The following EYA4 variants were observed in gnomAD, a reference collection of about 807,000 sequenced individuals.
The protein encoded by EYA4 is protein phosphatase EYA4.
Under a neutral mutation model 87.9 loss-of-function variants are expected in EYA4, and 31 were observed. The observed-to-expected ratio is 0.35, with a 90% CI of 0.27 to 0.48. The LOEUF (loss-of-function observed/expected upper bound fraction) is 0.48, where lower values mean the gene tolerates loss of function less well. Among genes scored for constraint, EYA4 ranks in the 20% least tolerant of loss-of-function variants. EYA4 has a pLI of 0.99. For synonymous variants in EYA4, 263 were observed against 270.6 expected, an observed-to-expected ratio of 0.97 and a Z score of 0.28; for missense variants, 678 against 761.4, an observed-to-expected ratio of 0.89 and a Z score of 1.29.
intron 3 of EYA4, among the ~76,000 whole-genome samples, chr6:133,431,364 G>A (rs1791168370): frequency 6.6e-6 from 1 of 152,170 alleles, no homozygotes; most frequent in African/African-American, 2.4e-5. Context: ...GTGGCTTGGG[G>A]AGATAAAGTT....
At position 133,294,473 on chromosome 6, in the gene EYA4, C is replaced by T. The variant is rs907154810; in HGVS notation, c.33+19660C>T. On this transcript the variant is annotated intron_variant, in intron 2 of 19. Coordinates refer to ENST00000355286, the MANE Select transcript of EYA4 (RefSeq NM_004100.5). ...AACTCCTGGGTTCAGGTGGTCGTCC[C>T]GCCTCAGCCTCCTTAGTAGCTGGTG... Among the ~76,000 whole-genome samples the T allele has an allele frequency of 3.4e-5, 5 of 145,042 alleles. No homozygotes were observed. The East Asian group carries it at 6.1e-4, about 18-fold the overall frequency.
At chr6:133,304,389 G>C (rs1402742473) in intron 2 of EYA4, among the ~76,000 whole-genome samples, 2 of 152,150 alleles carry the variant, frequency 1.3e-5, no homozygotes, top group African/African-American at 2.4e-5. Flanking sequence ...AGTCTTTTCT[G>C]TCTCTTGCAT....
At position 133,358,823 on chromosome 6, in the gene EYA4, T is replaced by G. The variant is rs565740598; in HGVS notation, c.34-23569T>G. Among the ~76,000 whole-genome samples, 147 of 152,252 alleles carry G rather than the reference T, an allele frequency of 9.7e-4. 1 individual carries two copies. Among genetic ancestry groups the G allele is most frequent in the Middle Eastern group, 6.8e-3 (2 of 294 alleles). On this transcript the variant is annotated intron_variant, in intron 2 of 19. Coordinates refer to ENST00000355286, the MANE Select transcript of EYA4 (RefSeq NM_004100.5). ...ACACACATAAATGATACACACATTG[T>G]GATAACTGCTAAGAAGAAAAACAAG...
chr6:133,370,906 G>T (rs1785218126), intron 2 of EYA4, among the ~76,000 whole-genome samples: 1 of 152,112 alleles, frequency 6.6e-6, no homozygotes, highest in South Asian at 2.1e-4. Flanking sequence ...ACTTTTTAAA[G>T]AATCCTGTAG....
At chr6:133,289,069 T>G (rs2128294030) in intron 2 of EYA4, among the ~76,000 whole-genome samples, 1 of 152,288 alleles carries the variant, frequency 6.6e-6, no homozygotes, top group East Asian at 1.9e-4. Context: ...AGCACCTTCT[T>G]CCAAGAGGAG....
At chr6:133,442,909 A>G (rs1186995125) in intron 3 of EYA4, among the ~76,000 whole-genome samples, 1 of 152,084 alleles carries the variant, frequency 6.6e-6, no homozygotes, top group African/African-American at 2.4e-5. Context: ...TGGAAATAAT[A>G]TTATGTTAAT....
At chr6:133,366,091 T>C (rs1424071735) in intron 2 of EYA4, among the ~76,000 whole-genome samples, 12 of 152,090 alleles carry the variant, frequency 7.9e-5, no homozygotes, top group Non-Finnish European at 5.9e-5. Flanking sequence ...ATGACATTGG[T>C]TTTAACTAGA....
chr6:133,477,710 C>A (rs1489520358), intron 11 of EYA4, among the ~76,000 whole-genome samples: 2 of 151,908 alleles, frequency 1.3e-5, no homozygotes, highest in Non-Finnish European at 2.9e-5. Flanking sequence ...ATCATACAAG[C>A]TATTTAATTT....
At chr6:133,339,525 C>G (rs1782628923) in intron 2 of EYA4, among the ~76,000 whole-genome samples, 2 of 152,032 alleles carry the variant, frequency 1.3e-5, no homozygotes, top group African/African-American at 4.8e-5. Flanking sequence ...GAGGTTGTCC[C>G]TGGAGAGGAG....
intron 2 of EYA4, among the ~76,000 whole-genome samples, chr6:133,340,364 A>T (rs983738250): frequency 1.3e-5 from 2 of 152,220 alleles, no homozygotes; most frequent in African/African-American, 4.8e-5. Flanking sequence ...CTCTTTTCAC[A>T]TCTACATAAA....
At position 133,446,591 on chromosome 6, in the gene EYA4, G is replaced by T. The variant is rs557804694; in HGVS notation, c.84-39G>T. 2.6e-5 allele frequency: 42 copies of T among 1,612,576 alleles called. No individual in the cohort carries two copies. In the South Asian group the frequency reaches 4.3e-4, roughly 16 times the overall value. On this transcript the variant is annotated intron_variant, in intron 3 of 19. Transcript: ENST00000355286. ...TGTAATCTATTAAAAAATAACTGCT[G>T]CAATTTCAACTTTTCTCTGCTGCTT...
chr6:133,358,490 C>T, intron 2 of EYA4, among the ~76,000 whole-genome samples: 1 of 152,140 alleles, frequency 6.6e-6, no homozygotes, highest in South Asian at 2.1e-4. Context: ...GAAAAGGAAT[C>T]ATCGAATGTA....
chr6:133,478,091 C>A (rs1795898454), intron 11 of EYA4, among the ~76,000 whole-genome samples: 1 of 151,998 alleles, frequency 6.6e-6, no homozygotes, highest in African/African-American at 2.4e-5. Flanking sequence ...TAAAAAAACG[C>A]TAACAATATC....
intron 6 of EYA4, among the ~76,000 whole-genome samples, chr6:133,459,335 A>G (rs532105248): frequency 1.3e-5 from 2 of 152,226 alleles, no homozygotes; most frequent in East Asian, 3.9e-4. Flanking sequence ...GAAACATCCT[A>G]TATATTCAGA....
chr6:133,345,293 G>A (rs931020165), intron 2 of EYA4, among the ~76,000 whole-genome samples: 6 of 152,120 alleles, frequency 3.9e-5, no homozygotes, highest in Non-Finnish European at 7.4e-5. Flanking sequence ...CAGATATGAT[G>A]AGATATTGAG....
chr6:133,495,922 A>G (rs1472319637), intron 13 of EYA4, among the ~76,000 whole-genome samples: 1 of 152,194 alleles, frequency 6.6e-6, no homozygotes, highest in Non-Finnish European at 1.5e-5. Context: ...GAGCAAACTA[A>G]TGAACATGTT....
intron 3 of EYA4, among the ~76,000 whole-genome samples, chr6:133,383,592 T>C (rs1786445592): frequency 1.3e-5 from 2 of 151,504 alleles, no homozygotes; most frequent in South Asian, 2.1e-4. Context: ...GTGTATCTTA[T>C]GTATAGTCCA....
intron 3 of EYA4, among the ~76,000 whole-genome samples, chr6:133,394,607 A>C (rs575493257): frequency 1.5e-4 from 23 of 152,130 alleles, no homozygotes; most frequent in Admixed American, 5.2e-4. Flanking sequence ...GGCTTCATAG[A>C]GGTATCTCTG....
At chr6:133,358,974 T>TG (rs1260194648) in intron 2 of EYA4, among the ~76,000 whole-genome samples, 2 of 151,764 alleles carry the variant, frequency 1.3e-5, no homozygotes, top group Non-Finnish European at 2.9e-5. Flanking sequence ...TTACAGAATG[T>TG]GGGGGAGAGG....
Sources: allele counts gnomAD v4.1 joint callset (sites outside exome capture counted in the v4.1 genomes callset), GRCh38; gene constraint gnomAD v4.1.1; transcripts MANE v1.5; gene names NCBI Gene and HGNC (gene_info 2026-07-23, HGNC 2026-07-21).